Variants in RBFOX1 observed in about 807,000 individuals in gnomAD.
RBFOX1 encodes the protein RNA binding fox-1 homolog 1.
RBFOX1 carries 8 observed loss-of-function variants against 57.7 expected under a neutral mutation model. The observed-to-expected ratio is 0.14, with a 90% confidence interval of 0.08 to 0.25. The LOEUF (loss-of-function observed/expected upper bound fraction) is 0.25, where lower values mean the gene tolerates loss of function less well. Among genes scored for constraint, RBFOX1 ranks in the 10% least tolerant of loss-of-function variants. The pLI, the probability that RBFOX1 is intolerant of heterozygous loss-of-function variation, is 1.00. For synonymous variants in RBFOX1, 326 were observed against 222.4 expected, an observed-to-expected ratio of 1.47 and a Z score of -4.15; for missense variants, 611 against 548.5, an observed-to-expected ratio of 1.11 and a Z score of -1.14.
chr16:5,517,185 T>C (rs754667851), intron 2 of RBFOX1, among the ~76,000 whole-genome samples: 3 of 152,110 alleles, frequency 2.0e-5, no homozygotes, highest in Non-Finnish European at 2.9e-5. Flanking sequence ...CTAGCTCAAG[T>C]CAAAGGGGTT....
chr16:7,141,901 C>G (rs947547446), intron 4 of RBFOX1, among the ~76,000 whole-genome samples: 1 of 152,198 alleles, frequency 6.6e-6, no homozygotes, highest in Non-Finnish European at 1.5e-5. Flanking sequence ...CTTGGAAATT[C>G]ATAAATCTGT....
Position 6,650,147 on chromosome 16 carries a change from C to A in RBFOX1, c.-63-4456C>A, listed in dbSNP as rs1558568. 2.2e-4 allele frequency among the ~76,000 whole-genome samples: 33 copies of A among 152,070 alleles called. No homozygotes were observed. The East Asian group carries it at 6.0e-3, about 28-fold the overall frequency. On this transcript the variant is annotated intron_variant, in intron 2 of 15. Transcript: ENST00000550418. The stretch of plus-strand genomic sequence containing the variant: ...TTAATTTTTTGAGAAGCCTCCACAC[C>A]GTTTTTTGTAATAACTGTAAGAATA...
intron 2 of RBFOX1, among the ~76,000 whole-genome samples, chr16:6,592,509 C>T (rs1178314180): frequency 6.6e-6 from 1 of 152,166 alleles, no homozygotes; most frequent in Non-Finnish European, 1.5e-5. Context: ...TGCATTTGTA[C>T]ATTTAGGTTA....
intron 13 of RBFOX1, among the ~76,000 whole-genome samples, chr16:7,673,727 A>G (rs934639940): frequency 6.6e-6 from 1 of 152,208 alleles, no homozygotes; most frequent in Non-Finnish European, 1.5e-5. Context: ...ACAATTTGAA[A>G]TTTTTATATA....
chr16:6,807,896 TTGTGTGTG>T (rs35350222), intron 3 of RBFOX1, among the ~76,000 whole-genome samples: 25 of 148,364 alleles, frequency 1.7e-4, no homozygotes, highest in African/African-American at 5.6e-4. Context: ...ATATATATTA[TTGTGTGTG>T]TGTGTGTGTG....
chr16:5,278,720 G>A (rs1337846932), intron 1 of RBFOX1, among the ~76,000 whole-genome samples: 2 of 152,074 alleles, frequency 1.3e-5, no homozygotes, highest in Non-Finnish European at 2.9e-5. Flanking sequence ...TTATAGTTGT[G>A]GCTGTTACGT....
intron 3 of RBFOX1, among the ~76,000 whole-genome samples, chr16:5,619,463 C>T (rs2048140181): frequency 6.6e-6 from 1 of 152,106 alleles, no homozygotes; most frequent in Non-Finnish European, 1.5e-5. Context: ...TCTCTCGCCC[C>T]AACCCCGAGA....
intron 4 of RBFOX1, among the ~76,000 whole-genome samples, chr16:5,885,897 T>C (rs2057887728): frequency 6.6e-6 from 1 of 152,118 alleles, no homozygotes; most frequent in Non-Finnish European, 1.5e-5. Context: ...AAATCTCGTG[T>C]TGAATTGTAA....
chr16:7,124,702 A>C (rs1291865117), intron 4 of RBFOX1, among the ~76,000 whole-genome samples: 1 of 151,874 alleles, frequency 6.6e-6, no homozygotes. Context: ...CTCCCCACAT[A>C]CACAAAAAGA....
intron 2 of RBFOX1, among the ~76,000 whole-genome samples, chr16:6,481,670 ATG>A (rs1280407582): frequency 5.9e-5 from 9 of 152,294 alleles, no homozygotes; most frequent in Admixed American, 2.6e-4. Flanking sequence ...CTGTTGGAAA[ATG>A]TGTCAGGGGA....
chr16:7,041,980 G>A (rs2046327955), intron 3 of RBFOX1, among the ~76,000 whole-genome samples: 1 of 152,152 alleles, frequency 6.6e-6, no homozygotes, highest in African/African-American at 2.4e-5. Context: ...CGTTACTTAG[G>A]AGATGTTCAA....
At chr16:7,202,551 C>G (rs1039444765) in intron 4 of RBFOX1, among the ~76,000 whole-genome samples, 2 of 152,174 alleles carry the variant, frequency 1.3e-5, no homozygotes, top group African/African-American at 4.8e-5. Flanking sequence ...GGTGTATGGC[C>G]TGTTAGGAAT....
chr16:7,446,847 C>T lies in RBFOX1; in HGVS notation c.28-71300C>T, dbSNP rs573260743. On this transcript the variant is annotated intron_variant, in intron 4 of 15. Transcript: ENST00000550418. ...TTTTTTTTTGAGACAGTGTCTCACT[C>T]TGTCACCCAGGCTGCAGTGCAGGAG... Among the ~76,000 whole-genome samples the T allele has an allele frequency of 1.2e-4, 13 of 110,274 alleles. No individual in the cohort carries two copies. The East Asian group carries it at 2.2e-3, about 19-fold the overall frequency. The allele number at this position is 110,274 out of a possible 152,430, so 72.3% of individuals were successfully genotyped here. A position where few individuals can be genotyped will look rare whatever the true frequency, so the allele number is the denominator to read the frequency against.
chr16:7,663,843 G>A (rs866947508), intron 12 of RBFOX1, among the ~76,000 whole-genome samples: 4 of 152,148 alleles, frequency 2.6e-5, no homozygotes, highest in Non-Finnish European at 4.4e-5. Flanking sequence ...CGTTAAACTC[G>A]TTTTCATGCT....
intron 2 of RBFOX1, among the ~76,000 whole-genome samples, chr16:6,604,491 A>G (rs1247853337): frequency 6.6e-6 from 1 of 152,140 alleles, no homozygotes; most frequent in Non-Finnish European, 1.5e-5. Context: ...TTAGTGGCAC[A>G]ATTGGATTAT....
chr16:5,380,532 G>A (rs2066104994), intron 1 of RBFOX1, among the ~76,000 whole-genome samples: 1 of 152,218 alleles, frequency 6.6e-6, no homozygotes, highest in Non-Finnish European at 1.5e-5. Context: ...AAGTCTTCAT[G>A]CCAAGCTGCG....
At chr16:7,030,647 T>C (rs772248631) in intron 3 of RBFOX1, among the ~76,000 whole-genome samples, 1 of 152,326 alleles carries the variant, frequency 6.6e-6, no homozygotes, top group African/African-American at 2.4e-5. Flanking sequence ...TAATCTACTA[T>C]GATTTTCTCT....
intron 4 of RBFOX1, among the ~76,000 whole-genome samples, chr16:7,243,367 G>T (rs1234147596): frequency 6.6e-6 from 1 of 152,126 alleles, no homozygotes; most frequent in South Asian, 2.1e-4. Flanking sequence ...GAGATGAAGA[G>T]ACATCATGGT....
intron 4 of RBFOX1, among the ~76,000 whole-genome samples, chr16:7,322,879 T>A (rs1354574970): frequency 6.6e-6 from 1 of 152,174 alleles, no homozygotes; most frequent in Non-Finnish European, 1.5e-5. Context: ...TATTCTTTCC[T>A]GGTGTTCCCT....
Sources: gnomAD v4.1 joint callset for allele counts (sites outside exome capture counted in the v4.1 genomes callset) on GRCh38, gnomAD v4.1.1 for gene constraint, MANE v1.5 for transcripts, NCBI Gene and HGNC (gene_info 2026-07-23, HGNC 2026-07-21) for gene names.